ACAP2: variants seen among roughly 807,000 people sequenced by gnomAD.
ACAP2 encodes the protein arf-GAP with coiled-coil, ANK repeat and PH domain-containing protein 2.
Under a neutral mutation model 115.8 loss-of-function variants are expected in ACAP2, and 39 were observed. The ratio of observed to expected loss-of-function variants is 0.34; its 90% CI spans 0.26 to 0.44. The LOEUF (loss-of-function observed/expected upper bound fraction) is 0.44, where lower values mean the gene tolerates loss of function less well. Ranked by LOEUF, ACAP2 falls within the 20% of genes least tolerant of loss-of-function variation. ACAP2 has a pLI of 1.00. For synonymous variants in ACAP2, 289 were observed against 315.8 expected (o/e 0.92, Z 0.90); for missense variants, 662 against 927.6 (o/e 0.71, Z 3.72).
intron 1 of ACAP2, among the ~76,000 whole-genome samples, chr3:195,416,870 C>A (rs540806375): frequency 2.0e-5 from 3 of 152,038 alleles, no homozygotes; most frequent in African/African-American, 7.2e-5. Context: ...AAGAAATTAT[C>A]CTCACTTGTA....
intron 1 of ACAP2, among the ~76,000 whole-genome samples, chr3:195,432,793 A>ATG (rs1348737159): frequency 6.6e-6 from 1 of 152,228 alleles, no homozygotes; most frequent in Non-Finnish European, 1.5e-5. Flanking sequence ...CATCTTAACA[A>ATG]TATTCAGCCT....
chr3:195,306,661 C>T (rs376087453), intron 12 of ACAP2, 45 bp from the exon 13 acceptor site: 6 of 1,303,078 alleles, frequency 4.6e-6, no homozygotes, highest in Non-Finnish European at 6.6e-6. Flanking sequence ...TAAGTTAATG[C>T]CAAAAACACC....
intron 22 of ACAP2, among the ~76,000 whole-genome samples, chr3:195,283,064 C>G (rs555727746): frequency 1.3e-5 from 2 of 152,310 alleles, no homozygotes; most frequent in Admixed American, 1.3e-4. Context: ...CGATTCCCAA[C>G]TTGTGCTTGC....
In ACAP2 at chr3:195,442,868, G is replaced by C; in HGVS notation, c.-21C>G. ...TTCATCCTGCCTCCGCCTCGCAGGCGGCGCTGGCAAAGCCGAGGGGGCCGC... is the reference window on the plus strand; with the variant it reads ...TTCATCCTGCCTCCGCCTCGCAGGCCGCGCTGGCAAAGCCGAGGGGGCCGC... On this transcript the variant is annotated 5_prime_UTR_variant, in exon 1 of 23. Transcript: ENST00000326793. 1 of 1,512,068 alleles carries C rather than the reference G, an allele frequency of 6.6e-7. No homozygotes were observed. Among genetic ancestry groups the C allele is most frequent in the Non-Finnish European group, 8.8e-7 (1 of 1,130,342 alleles). 93.7% of individuals were successfully genotyped at this position (1,512,068 alleles called of 1,614,324 possible). A position where few individuals can be genotyped will look rare whatever the true frequency, so the allele number is the denominator to read the frequency against.
At chr3:195,417,032 C>T (rs1560349276) in intron 1 of ACAP2, among the ~76,000 whole-genome samples, 1 of 151,576 alleles carries the variant, frequency 6.6e-6, no homozygotes, top group Non-Finnish European at 1.5e-5. Context: ...CTGCCTCAGC[C>T]GCCTGAATAC....
chr3:195,382,117 T>C, intron 2 of ACAP2, 95 bp from the exon 3 acceptor site: 1 of 1,139,628 alleles, frequency 8.8e-7, no homozygotes, highest in Non-Finnish European at 1.2e-6. Flanking sequence ...GGTGACCTAG[T>C]TAAGTTCAAT....
intron 4 of ACAP2, among the ~76,000 whole-genome samples, chr3:195,371,946 G>A (rs79239458): frequency 9.4e-4 from 143 of 152,102 alleles, no homozygotes; most frequent in African/African-American, 3.2e-3. Flanking sequence ...GGCATGAGCC[G>A]GTACGCCCAG....
intron 4 of ACAP2, among the ~76,000 whole-genome samples, chr3:195,351,433 TTC>T (rs1216219378): frequency 7.4e-6 from 1 of 135,072 alleles, no homozygotes; most frequent in South Asian, 2.4e-4. Context: ...TCCATATTTT[TTC>T]TTTTTCGTGT....
At chr3:195,429,701 C>T (rs985259899) in intron 1 of ACAP2, among the ~76,000 whole-genome samples, 4 of 152,086 alleles carry the variant, frequency 2.6e-5, no homozygotes, top group African/African-American at 9.7e-5. Context: ...ACTATGAACA[C>T]GAATTAATAC....
At chr3:195,433,366 A>G (rs1271733445) in intron 1 of ACAP2, among the ~76,000 whole-genome samples, 1 of 152,214 alleles carries the variant, frequency 6.6e-6, no homozygotes, top group Admixed American at 6.5e-5. Context: ...ACCCATAGAT[A>G]CAAAGGCTGA....
At position 195,301,986 on chromosome 3, in the gene ACAP2, G is replaced by A. The variant is rs527269230; in HGVS notation, c.1305C>T (p.Ile435=). 6 of 1,613,440 alleles carry A rather than the reference G, an allele frequency of 3.7e-6. No homozygotes were observed. In the African/African-American group the frequency reaches 4.0e-5, roughly 11 times the overall value. The change falls in exon 14 of 23, where the codon ATC becomes ATT. Residue 435 remains isoleucine, a synonymous_variant. Transcript: ENST00000326793. The stretch of plus-strand genomic sequence containing the variant: ...CCCACCGGTGAATTCCGGAGCACTC[G>A]ATACACAAGGTGATGCCCAGGTTGA... ...ASINLGITLC[I]ECSGIHRSLG... is the part of the protein sequence containing the mutation.
At chr3:195,381,450 C>A (rs368306172) in intron 3 of ACAP2, among the ~76,000 whole-genome samples, 5 of 152,048 alleles carry the variant, frequency 3.3e-5, no homozygotes, top group Admixed American at 6.6e-5. Flanking sequence ...AAATATAACA[C>A]CACATAGTAT....
chr3:195,395,435 C>T (rs1447583726), intron 1 of ACAP2, among the ~76,000 whole-genome samples: 1 of 152,170 alleles, frequency 6.6e-6, no homozygotes, highest in East Asian at 1.9e-4. Flanking sequence ...AAGTTTGACC[C>T]ATAACCTGTT....
intron 4 of ACAP2, among the ~76,000 whole-genome samples, chr3:195,351,889 T>C (rs192645593): frequency 6.6e-6 from 1 of 152,230 alleles, no homozygotes; most frequent in Non-Finnish European, 1.5e-5. Flanking sequence ...CATAAACAAT[T>C]TTAGAAAGTG....
rs140232650 is a variant in ACAP2 at position 195,416,278 on chromosome 3, G to A, written c.54-24131C>T. ...GGAGAATCGCTTGAACCCAGGAGGC[G>A]GAGGCTGCAGTGAGCCAAGACTGCG... is the stretch of plus-strand genomic sequence containing the variant. On this transcript the variant is annotated intron_variant, in intron 1 of 22. Coordinates refer to ENST00000326793, the MANE Select transcript of ACAP2 (RefSeq NM_012287.6). 9.0e-3 allele frequency among the ~76,000 whole-genome samples: 1,373 copies of A among 151,962 alleles called. 14 individuals are homozygous for A. The highest frequency in any genetic ancestry group is 0.024 in the African/African-American group (1,012 of 41,426).
chr3:195,417,003 C>T (rs1162451854), intron 1 of ACAP2, among the ~76,000 whole-genome samples: 2 of 151,420 alleles, frequency 1.3e-5, no homozygotes, highest in African/African-American at 4.9e-5. Context: ...GCAGCCTCAA[C>T]TCCTGTGCTC....
At chr3:195,424,259 G>GTA (rs1361970190) in intron 1 of ACAP2, among the ~76,000 whole-genome samples, 643 of 64,160 alleles carry the variant, frequency 0.01, 10 homozygotes, top group South Asian at 0.024. Context: ...GTGTGTGTGT[G>GTA]TGTATATATA....
At chr3:195,324,510 T>C (rs1029194908) in intron 9 of ACAP2, among the ~76,000 whole-genome samples, 2 of 152,004 alleles carry the variant, frequency 1.3e-5, no homozygotes, top group African/African-American at 4.8e-5. Context: ...TCCGAGCACA[T>C]TGGGAGGCCG....
At chr3:195,296,343 T>C (rs1256769203) in intron 16 of ACAP2, among the ~76,000 whole-genome samples, 2 of 151,992 alleles carry the variant, frequency 1.3e-5, no homozygotes, top group Non-Finnish European at 2.9e-5. Flanking sequence ...TAAAACAACA[T>C]ATAGCATTAT....
Sources: gnomAD v4.1 joint callset for allele counts (sites outside exome capture counted in the v4.1 genomes callset) on GRCh38, gnomAD v4.1.1 for gene constraint, MANE v1.5 for transcripts, NCBI Gene and HGNC (gene_info 2026-07-23, HGNC 2026-07-21) for gene names.